Variants in CACNA2D2 observed in about 807,000 individuals in gnomAD.
The protein encoded by CACNA2D2 is voltage-dependent calcium channel subunit alpha-2/delta-2.
In CACNA2D2, 48 loss-of-function variants were observed where a neutral mutation model predicts 166.4. That is an observed-to-expected ratio of 0.29 (90% CI 0.23 to 0.37). The LOEUF (loss-of-function observed/expected upper bound fraction) is 0.37. Ranked by LOEUF, CACNA2D2 falls within the 10% of genes least tolerant of loss-of-function variation. The probability of loss-of-function intolerance (pLI) is 1.00; values close to 1 mark genes in which losing one functional copy is unlikely to be tolerated. For synonymous variants in CACNA2D2, 561 were observed against 573.7 expected (o/e 0.98, Z 0.32); for missense variants, 1,122 against 1,433.0 (o/e 0.78, Z 3.50).
Position 50,435,134 on chromosome 3 carries a change from G to GGTGTGT in CACNA2D2, c.289-711_289-706dup, listed in dbSNP as rs58208345. Among the ~76,000 whole-genome samples the GGTGTGT allele has an allele frequency of 4.9e-3, 740 of 149,772 alleles. 5 individuals are homozygous for GGTGTGT. The highest frequency in any genetic ancestry group is 0.016 in the African/African-American group (650 of 40,800). Reference sequence around the variant, plus strand: ...GTGCATGTGGCAGTGTAAATCTGAGGGTGTGTGTGTGTGTGTGTGTGAGGG... The same window carrying GGTGTGT: ...GTGCATGTGGCAGTGTAAATCTGAGGGTGTGTGTGTGTGTGTGTGTGTGTGTGAGGG... On this transcript the variant is annotated intron_variant, in intron 2 of 37. Transcript: ENST00000424201.
At chr3:50,435,184 G>A (rs1215195090) in intron 2 of CACNA2D2, among the ~76,000 whole-genome samples, 1 of 151,886 alleles carries the variant, frequency 6.6e-6, no homozygotes, top group Admixed American at 6.6e-5. Context: ...TTGTGTGCAC[G>A]TGCCTGCGTG....
intron 23 of CACNA2D2, among the ~76,000 whole-genome samples, chr3:50,369,412 AAC>A: frequency 6.6e-6 from 1 of 152,334 alleles, no homozygotes; most frequent in Admixed American, 6.5e-5. Flanking sequence ...CACATTCACT[AAC>A]ACACAGAGCC....
Position 50,366,956 on chromosome 3 carries a change from C to T in CACNA2D2, c.2501-37G>A. The T allele has an allele frequency of 1.2e-6, 2 of 1,612,808 alleles. No homozygotes were observed. Among genetic ancestry groups the T allele is most frequent in the Non-Finnish European group, 1.7e-6 (2 of 1,179,140 alleles). On this transcript the variant is annotated intron_variant, in intron 28 of 37. Coordinates refer to ENST00000424201, the MANE Select transcript of CACNA2D2 (RefSeq NM_006030.4). This position sits in a 1 kb window ranked among gnomAD's most constrained non-coding sequence, Gnocchi z 5.9. ...AGCAAGGGACCATCAGTGCTACCTGCCCAGGCAGTACCCTGTCCATTGCCT... is the reference window on the plus strand; with the variant it reads ...AGCAAGGGACCATCAGTGCTACCTGTCCAGGCAGTACCCTGTCCATTGCCT...
chr3:50,394,304 C>G, intron 3 of CACNA2D2, 136 bp from the exon 4 acceptor site: 1 of 707,854 alleles, frequency 1.4e-6, no homozygotes, highest in Non-Finnish European at 2.5e-6. Flanking sequence ...CCTACGAGAC[C>G]CTCAGAGATT....
intron 22 of CACNA2D2, 50 bp downstream of exon 22, chr3:50,374,687 T>A (rs1559884326): frequency 6.4e-6 from 10 of 1,552,928 alleles, no homozygotes; most frequent in Non-Finnish European, 8.7e-6. Flanking sequence ...CCGGCCAGGG[T>A]GCGGGGCAGA....
At chr3:50,394,025 C>A in intron 4 of CACNA2D2, 84 bp downstream of exon 4, 1 of 1,247,744 alleles carries the variant, frequency 8.0e-7, no homozygotes, top group Non-Finnish European at 1.2e-6. Context: ...CCTCATGTGT[C>A]TGGGCAGCTC....
At chr3:50,496,899 G>A (rs1307301922) in intron 1 of CACNA2D2, among the ~76,000 whole-genome samples, 2 of 152,194 alleles carry the variant, frequency 1.3e-5, no homozygotes, top group Non-Finnish European at 2.9e-5. Context: ...GTCTAAGAGG[G>A]GCAGGGAAAA....
intron 4 of CACNA2D2, 29 bp downstream of exon 4, chr3:50,394,080 A>G (rs1277741767): frequency 1.2e-6 from 2 of 1,607,794 alleles, no homozygotes; most frequent in South Asian, 1.1e-5. Flanking sequence ...GCATGCCCTA[A>G]GTGCTGGGCA....
At chr3:50,502,680 GGCA>G (rs1449900156) in intron 1 of CACNA2D2, among the ~76,000 whole-genome samples, 2 of 152,226 alleles carry the variant, frequency 1.3e-5, no homozygotes, top group African/African-American at 4.8e-5. Context: ...CTGCCTCTGT[GGCA>G]CTGGCCACAG....
At chr3:50,440,704 C>A (rs865910061) in intron 2 of CACNA2D2, among the ~76,000 whole-genome samples, 1 of 152,100 alleles carries the variant, frequency 6.6e-6, no homozygotes. Flanking sequence ...GCACTATCCT[C>A]CCCCACCCCC....
intron 1 of CACNA2D2, among the ~76,000 whole-genome samples, chr3:50,482,375 G>A (rs1698090375): frequency 6.6e-6 from 1 of 152,222 alleles, no homozygotes; most frequent in Non-Finnish European, 1.5e-5. Flanking sequence ...TGTACTGAGT[G>A]TACAGTACCT....
intron 4 of CACNA2D2, among the ~76,000 whole-genome samples, chr3:50,389,388 T>C (rs976170458): frequency 2.6e-5 from 4 of 152,050 alleles, no homozygotes; most frequent in Non-Finnish European, 2.9e-5. Context: ...AAGGGGGTTA[T>C]AAACACAGCT....
At chr3:50,392,963 C>CA (rs1705953566) in intron 4 of CACNA2D2, among the ~76,000 whole-genome samples, 1 of 152,162 alleles carries the variant, frequency 6.6e-6, no homozygotes, top group Non-Finnish European at 1.5e-5. Context: ...CAGCACCCAG[C>CA]ACCTGCCAGG....
At chr3:50,373,772 T>C (rs1228340487) in intron 22 of CACNA2D2, among the ~76,000 whole-genome samples, 20 of 92,654 alleles carry the variant, frequency 2.2e-4, no homozygotes, top group Non-Finnish European at 4.3e-4. Flanking sequence ...GGGAGGGAGG[T>C]TGGATGCAGA....
chr3:50,371,747 G>A (rs1228039451), intron 22 of CACNA2D2, among the ~76,000 whole-genome samples: 1 of 152,168 alleles, frequency 6.6e-6, no homozygotes. Context: ...CAAGCCGATG[G>A]GGAAGGGGTT....
chr3:50,365,224 C>CCCCCCG lies in CACNA2D2; in HGVS notation c.3099-41_3099-40insCGGGGG. On this transcript the variant is annotated intron_variant, in intron 35 of 37. Coordinates refer to ENST00000424201, the MANE Select transcript of CACNA2D2 (RefSeq NM_006030.4). This position sits in a 1 kb window ranked among gnomAD's most constrained non-coding sequence, Gnocchi z 4.5. ...GAAAGGCGGGGCGTTGAGTTTGCCC[C>CCCCCCG]GCCCTGACCCACCCCCATCCTGCGG... 1.3e-6 allele frequency: 2 copies of CCCCCCG among 1,571,148 alleles called. No individual in the cohort carries two copies. Among genetic ancestry groups the CCCCCCG allele is most frequent in the Non-Finnish European group, 1.7e-6 (2 of 1,147,120 alleles).
At chr3:50,436,808 T>C (rs907065897) in intron 2 of CACNA2D2, among the ~76,000 whole-genome samples, 2 of 152,240 alleles carry the variant, frequency 1.3e-5, no homozygotes, top group Non-Finnish European at 2.9e-5. Flanking sequence ...ATTCCTGAGC[T>C]GGTAGCCTCA....
At chr3:50,463,040 A>C (rs907331652) in intron 2 of CACNA2D2, among the ~76,000 whole-genome samples, 1 of 152,168 alleles carries the variant, frequency 6.6e-6, no homozygotes, top group Non-Finnish European at 1.5e-5. Context: ...AGCAGGCGAC[A>C]TCACTACTTC....
chr3:50,428,189 T>C (rs1707891932), intron 3 of CACNA2D2, among the ~76,000 whole-genome samples: 1 of 152,218 alleles, frequency 6.6e-6, no homozygotes, highest in African/African-American at 2.4e-5. Flanking sequence ...AGTGGTGTAC[T>C]GCTGGCATCT....
Sources: allele counts gnomAD v4.1 joint callset (sites outside exome capture counted in the v4.1 genomes callset), GRCh38; gene constraint gnomAD v4.1.1; non-coding constraint Gnocchi (gnomAD v3.1); transcripts MANE v1.5; gene names NCBI Gene and HGNC (gene_info 2026-07-23, HGNC 2026-07-21).